Variants in ROR1 observed in about 807,000 individuals in gnomAD.
ROR1 encodes inactive tyrosine-protein kinase transmembrane receptor ROR1.
A neutral mutation model predicts 78.8 loss-of-function variants in ROR1; 19 were observed. The ratio of observed to expected loss-of-function variants is 0.24; its 90% CI spans 0.17 to 0.35. The LOEUF is 0.35. Ranked by LOEUF, ROR1 falls within the 10% of genes least tolerant of loss-of-function variation. The probability of loss-of-function intolerance (pLI) is 1.00; values close to 1 mark genes in which losing one functional copy is unlikely to be tolerated. For synonymous variants in ROR1, 386 were observed against 433.6 expected, an observed-to-expected ratio of 0.89 and a Z score of 1.36; for missense variants, 917 against 1,177.8, an observed-to-expected ratio of 0.78 and a Z score of 3.24.
chr1:64,019,148 A>G (rs1646544841), intron 2 of ROR1, among the ~76,000 whole-genome samples: 1 of 152,166 alleles, frequency 6.6e-6, no homozygotes, highest in African/African-American at 2.4e-5. Flanking sequence ...TGTGCAACAA[A>G]GTTTGAGAAT....
chr1:64,117,360 AG>A (rs1298731869), intron 4 of ROR1, among the ~76,000 whole-genome samples: 1 of 152,198 alleles, frequency 6.6e-6, no homozygotes, highest in African/African-American at 2.4e-5. Flanking sequence ...CTTTGTATGC[AG>A]GAGCCCACTT....
intron 7 of ROR1, among the ~76,000 whole-genome samples, chr1:64,157,449 A>G (rs1318891108): frequency 6.6e-6 from 1 of 152,048 alleles, no homozygotes; most frequent in Non-Finnish European, 1.5e-5. Flanking sequence ...TAAAATTCGT[A>G]TTATTTTTAT....
chr1:64,043,914 C>T (rs544298546), intron 2 of ROR1, among the ~76,000 whole-genome samples: 1 of 152,148 alleles, frequency 6.6e-6, no homozygotes, highest in Non-Finnish European at 1.5e-5. Context: ...CAGAATAGTG[C>T]CTGGCATTTT....
chr1:64,159,705 A>T (rs570043451), intron 8 of ROR1, among the ~76,000 whole-genome samples: 1 of 152,114 alleles, frequency 6.6e-6, no homozygotes, highest in African/African-American at 2.4e-5. Context: ...AATCCTTTGT[A>T]TGCCTAACTT....
intron 1 of ROR1, among the ~76,000 whole-genome samples, chr1:63,911,340 G>T (rs1188850092): frequency 2.6e-5 from 4 of 152,056 alleles, no homozygotes; most frequent in Admixed American, 2.6e-4. Context: ...TAGTACAGGG[G>T]TCCCCAACCT....
chr1:63,774,554 G>T lies in ROR1; in HGVS notation c.91+46G>T. On this transcript the variant is annotated intron_variant, in intron 1 of 8. Transcript: ENST00000371079. This position sits in a 1 kb window ranked among gnomAD's most constrained non-coding sequence, Gnocchi z 5.7. Reference sequence around the variant, plus strand: ...CCCGCCCGCCCAGACCCCCTGACCCGTGGCCACCCTTCCGCCGTCCAGCCG... The same window carrying T: ...CCCGCCCGCCCAGACCCCCTGACCCTTGGCCACCCTTCCGCCGTCCAGCCG... The T allele has an allele frequency of 5.5e-6, 5 of 914,030 alleles. No individual in the cohort carries two copies. The highest frequency in any genetic ancestry group is 6.5e-6 in the Non-Finnish European group (5 of 768,440). 56.6% of individuals were successfully genotyped at this position (914,030 alleles called of 1,614,324 possible). A position where few individuals can be genotyped will look rare whatever the true frequency, so the allele number is the denominator to read the frequency against.
intron 7 of ROR1, among the ~76,000 whole-genome samples, chr1:64,145,974 T>C (rs1649461669): frequency 6.6e-6 from 1 of 152,214 alleles, no homozygotes; most frequent in African/African-American, 2.4e-5. Context: ...TTGCTACTCT[T>C]CTGTGCTACT....
chr1:64,048,596 G>A (rs530367422), intron 2 of ROR1, among the ~76,000 whole-genome samples: 8 of 152,194 alleles, frequency 5.3e-5, no homozygotes, highest in African/African-American at 1.4e-4. Flanking sequence ...AACAGAGCAC[G>A]TTTTTAAAAG....
At chr1:63,947,629 G>A (rs551005652) in intron 1 of ROR1, among the ~76,000 whole-genome samples, 6 of 152,266 alleles carry the variant, frequency 3.9e-5, no homozygotes, top group Admixed American at 6.5e-5. Context: ...GGTGGCCGGC[G>A]GGAGGTGATA....
chr1:64,176,745 C>G (rs552787997), intron 8 of ROR1, among the ~76,000 whole-genome samples: 1 of 152,156 alleles, frequency 6.6e-6, no homozygotes, highest in Non-Finnish European at 1.5e-5. Flanking sequence ...TGGAGAAGAC[C>G]GCATTTCAGA....
intron 1 of ROR1, among the ~76,000 whole-genome samples, chr1:63,852,852 A>G (rs541178701): frequency 4.6e-5 from 7 of 152,314 alleles, no homozygotes; most frequent in East Asian, 1.9e-4. Context: ...TAAGGACTTT[A>G]TACAGATGGA....
chr1:64,043,708 G>A (rs955905564), intron 2 of ROR1, among the ~76,000 whole-genome samples: 2 of 152,156 alleles, frequency 1.3e-5, no homozygotes, highest in African/African-American at 4.8e-5. Flanking sequence ...GAATCTGATT[G>A]CATCAGAACA....
At chr1:63,958,647 G>A (rs1455721192) in intron 1 of ROR1, among the ~76,000 whole-genome samples, 1 of 152,142 alleles carries the variant, frequency 6.6e-6, no homozygotes, top group Non-Finnish European at 1.5e-5. Context: ...GGATGTAGGT[G>A]GCAGTCCAAT....
At chr1:63,786,601 A>G (rs78005024) in intron 1 of ROR1, among the ~76,000 whole-genome samples, 167 of 144,160 alleles carry the variant, frequency 1.2e-3, no homozygotes, top group East Asian at 0.01. Flanking sequence ...TTAAGGAGCA[A>G]TTGTCAGATT....
chr1:64,163,257 ACACACACAC>A (rs1649996296), intron 8 of ROR1, among the ~76,000 whole-genome samples: 2 of 149,952 alleles, frequency 1.3e-5, no homozygotes, highest in South Asian at 4.2e-4. Flanking sequence ...ACACACACAC[ACACACACAC>A]AATTCGCCAG....
chr1:63,918,181 A>G (rs946000710), intron 1 of ROR1, among the ~76,000 whole-genome samples: 5 of 152,202 alleles, frequency 3.3e-5, no homozygotes, highest in African/African-American at 1.2e-4. Context: ...AGTTTTAGGA[A>G]TTTATGTTAG....
At chr1:63,794,471 A>T (rs1473608827) in intron 1 of ROR1, among the ~76,000 whole-genome samples, 1 of 152,206 alleles carries the variant, frequency 6.6e-6, no homozygotes, top group Non-Finnish European at 1.5e-5. Flanking sequence ...GGCCTCCAGC[A>T]CTAGGCCACG....
intron 1 of ROR1, among the ~76,000 whole-genome samples, chr1:64,004,262 G>T (rs1306150641): frequency 2.0e-5 from 3 of 152,128 alleles, no homozygotes; most frequent in Non-Finnish European, 4.4e-5. Context: ...AAACATTGGG[G>T]CATTTTCCAC....
At chr1:64,084,038 C>G (rs539345689) in intron 4 of ROR1, among the ~76,000 whole-genome samples, 1 of 152,188 alleles carries the variant, frequency 6.6e-6, no homozygotes. Flanking sequence ...TCTCTTACAT[C>G]TTGAATTTTC....
Sources: gnomAD v4.1 joint callset for allele counts (sites outside exome capture counted in the v4.1 genomes callset) on GRCh38, gnomAD v4.1.1 for gene constraint, Gnocchi (gnomAD v3.1) non-coding constraint, MANE v1.5 for transcripts, NCBI Gene and HGNC (gene_info 2026-07-23, HGNC 2026-07-21) for gene names.